Variants in NEGR1 observed in about 807,000 individuals in gnomAD.
NEGR1 encodes the protein IgLON family member 4.
NEGR1 carries 10 observed loss-of-function variants against 40.9 expected under a neutral mutation model. The observed-to-expected ratio is 0.24, with a 90% confidence interval of 0.15 to 0.42. NEGR1 has a LOEUF of 0.42. NEGR1 is among the 10% of genes least tolerant of loss of function. The probability of loss-of-function intolerance (pLI) is 1.00; values close to 1 mark genes in which losing one functional copy is unlikely to be tolerated. For missense variants in NEGR1, 352 were observed against 438.9 expected, an observed-to-expected ratio of 0.80 and a Z score of 1.77; for synonymous variants, 185 against 166.8, an observed-to-expected ratio of 1.11 and a Z score of -0.84.
intron 4 of NEGR1, among the ~76,000 whole-genome samples, chr1:71,667,390 C>T (rs769476892): frequency 1.4e-4 from 21 of 152,054 alleles, no homozygotes; most frequent in Non-Finnish European, 2.4e-4. Context: ...TACACAGAAG[C>T]GAGACTGTGA....
rs750164996 is a variant in NEGR1, at chr1:71,426,812, A to AT, written c.941-19243dup. 3.3e-5 allele frequency among the ~76,000 whole-genome samples: 5 copies of AT among 152,318 alleles called. No individual in the cohort carries two copies. In the South Asian group the frequency reaches 8.3e-4, roughly 25 times the overall value. On this transcript the variant is annotated intron_variant, in intron 6 of 6. Transcript: ENST00000357731. Reference sequence around the variant, plus strand: ...GCTAACAAATCAACAATTATGTGAGATTTAAAAAAAAATACAAAACATCAC... The same window carrying AT: ...GCTAACAAATCAACAATTATGTGAGATTTTAAAAAAAAATACAAAACATCAC...
At chr1:71,761,287 T>C (rs1293709792) in intron 3 of NEGR1, among the ~76,000 whole-genome samples, 2 of 152,130 alleles carry the variant, frequency 1.3e-5, no homozygotes, top group Non-Finnish European at 2.9e-5. Flanking sequence ...AAAGCGGCCA[T>C]AGACAATATA....
intron 6 of NEGR1, chr1:71,468,482 G>C (rs1000209824): frequency 6.6e-6 from 1 of 151,912 alleles, no homozygotes; most frequent in African/African-American, 2.4e-5. Context: ...GAAAGCAACT[G>C]ACTTTCCTCA....
intron 3 of NEGR1, among the ~76,000 whole-genome samples, chr1:71,763,030 A>C (rs1325946576): frequency 6.6e-6 from 1 of 152,092 alleles, no homozygotes; most frequent in Non-Finnish European, 1.5e-5. Flanking sequence ...AAAAATAAAA[A>C]GGGGGTTAGG....
At chr1:72,123,685 T>G (rs1313264295) in intron 1 of NEGR1, among the ~76,000 whole-genome samples, 1 of 151,854 alleles carries the variant, frequency 6.6e-6, no homozygotes, top group Admixed American at 6.6e-5. Context: ...TATCTCAGCT[T>G]AAAAAAATTA....
intron 1 of NEGR1, among the ~76,000 whole-genome samples, chr1:72,019,358 A>G (rs1646737569): frequency 6.6e-6 from 1 of 152,198 alleles, no homozygotes. Context: ...CAATTATAAA[A>G]TGCTCTGAAG....
intron 1 of NEGR1, among the ~76,000 whole-genome samples, chr1:72,177,970 T>C (rs979205623): frequency 3.9e-5 from 6 of 151,994 alleles, no homozygotes; most frequent in African/African-American, 1.2e-4. Context: ...TTTGAAAAAG[T>C]CATATGTGTC....
chr1:71,634,826 C>A (rs1405972759), intron 4 of NEGR1, among the ~76,000 whole-genome samples: 1 of 152,028 alleles, frequency 6.6e-6, no homozygotes, highest in African/African-American at 2.4e-5. Flanking sequence ...ATATTATTAA[C>A]AAGTAAAATT....
At chr1:71,873,284 T>C (rs1424698061) in intron 2 of NEGR1, among the ~76,000 whole-genome samples, 1 of 151,850 alleles carries the variant, frequency 6.6e-6, no homozygotes, top group Admixed American at 6.6e-5. Flanking sequence ...ATTAAATATA[T>C]AAAGTCCATG....
At chr1:71,700,135 T>C (rs899686956) in intron 3 of NEGR1, among the ~76,000 whole-genome samples, 1 of 152,058 alleles carries the variant, frequency 6.6e-6, no homozygotes, top group Non-Finnish European at 1.5e-5. Flanking sequence ...ATTGATCATG[T>C]CATAAATAAA....
chr1:71,648,347 G>T (rs1043350989), intron 4 of NEGR1, among the ~76,000 whole-genome samples: 1 of 151,978 alleles, frequency 6.6e-6, no homozygotes, highest in Non-Finnish European at 1.5e-5. Flanking sequence ...TTGAGTGTGA[G>T]CTATACACAG....
intron 4 of NEGR1, among the ~76,000 whole-genome samples, chr1:71,659,081 T>C (rs1198957071): frequency 1.3e-5 from 2 of 152,188 alleles, no homozygotes; most frequent in African/African-American, 4.8e-5. Context: ...GAAAGACTTT[T>C]ACTGAAGTGC....
intron 2 of NEGR1, among the ~76,000 whole-genome samples, chr1:71,930,017 C>T (rs1040390500): frequency 2.0e-4 from 30 of 152,104 alleles, no homozygotes; most frequent in Non-Finnish European, 3.2e-4. Flanking sequence ...TCCTATTCAA[C>T]GACTAATTGG....
intron 1 of NEGR1, among the ~76,000 whole-genome samples, chr1:72,267,434 C>A (rs1281864266): frequency 1.3e-5 from 2 of 151,124 alleles, no homozygotes; most frequent in East Asian, 1.9e-4. Flanking sequence ...TTTCCCCATA[C>A]TAAAATTATA....
chr1:71,928,793 C>T (rs780699474), intron 2 of NEGR1, among the ~76,000 whole-genome samples: 1 of 151,992 alleles, frequency 6.6e-6, no homozygotes, highest in African/African-American at 2.4e-5. Flanking sequence ...TTTGTAGGGA[C>T]TAATACAGTC....
intron 1 of NEGR1, among the ~76,000 whole-genome samples, chr1:71,982,627 A>T (rs994354929): frequency 1.3e-5 from 2 of 152,190 alleles, no homozygotes; most frequent in African/African-American, 2.4e-5. Flanking sequence ...GGGGTTCAAT[A>T]AATGTTAACT....
intron 2 of NEGR1, among the ~76,000 whole-genome samples, chr1:71,861,818 G>A (rs1446779294): frequency 6.6e-6 from 1 of 151,996 alleles, no homozygotes; most frequent in African/African-American, 2.4e-5. Flanking sequence ...AACCATTTAA[G>A]AGGTCTTACT....
chr1:71,727,449 G>A, intron 3 of NEGR1, among the ~76,000 whole-genome samples: 1 of 152,090 alleles, frequency 6.6e-6, no homozygotes, highest in East Asian at 1.9e-4. Context: ...ACATTTATTA[G>A]GAATTACTAG....
Position 72,088,796 on chromosome 1 carries a change from C to CTTTTTTTTTTT in NEGR1, c.177-153496_177-153486dup, listed in dbSNP as rs71074816. On this transcript the variant is annotated intron_variant, in intron 1 of 6. Transcript: ENST00000357731. Reference sequence around the variant, plus strand: ...ATGTATAATGTAGTTCTCTCTCTCTCTTTTTTTTTTTTTTTTTTTTTTTTT... The same window carrying CTTTTTTTTTTT: ...ATGTATAATGTAGTTCTCTCTCTCTCTTTTTTTTTTTTTTTTTTTTTTTTTTTTTTTTTTTT... Among the ~76,000 whole-genome samples the CTTTTTTTTTTT allele has an allele frequency of 3.3e-4, 25 of 74,918 alleles. 1 individual carries two copies. The highest frequency in any genetic ancestry group is 1.1e-3 in the African/African-American group (23 of 21,436). 49.1% of individuals were successfully genotyped at this position (74,918 alleles called of 152,430 possible).
Sources: gnomAD v4.1 joint callset for allele counts (sites outside exome capture counted in the v4.1 genomes callset) on GRCh38, gnomAD v4.1.1 for gene constraint, MANE v1.5 for transcripts, NCBI Gene and HGNC (gene_info 2026-07-23, HGNC 2026-07-21) for gene names.